PDE4D: variants seen among roughly 807,000 people sequenced by gnomAD.
The protein encoded by PDE4D is 3',5'-cyclic-AMP phosphodiesterase 4D.
PDE4D carries 24 observed loss-of-function variants against 87.4 expected under a neutral mutation model. That is an observed-to-expected ratio of 0.27 (90% CI 0.20 to 0.39). PDE4D has a LOEUF of 0.39. Among genes scored for constraint, PDE4D ranks in the 10% least tolerant of loss-of-function variants. The pLI, the probability that PDE4D is intolerant of heterozygous loss-of-function variation, is 1.00. For missense variants in PDE4D, 714 were observed against 1,041.0 expected, an observed-to-expected ratio of 0.69 and a Z score of 4.32; for synonymous variants, 384 against 383.2, an observed-to-expected ratio of 1.00 and a Z score of -0.02.
intron 1 of PDE4D, among the ~76,000 whole-genome samples, chr5:59,634,161 G>A (rs1831949623): frequency 6.6e-6 from 1 of 152,148 alleles, no homozygotes; most frequent in Non-Finnish European, 1.5e-5. Context: ...ATTGGTAAAG[G>A]GTTCAATGCA....
chr5:59,779,001 TA>T (rs1161936919), intron 1 of PDE4D, among the ~76,000 whole-genome samples: 1 of 151,938 alleles, frequency 6.6e-6, no homozygotes, highest in Non-Finnish European at 1.5e-5. Flanking sequence ...CCGTTTCTAT[TA>T]AAATACAAAA....
intron 3 of PDE4D, chr5:59,986,380 C>A (rs1762463309): frequency 6.6e-6 from 1 of 152,126 alleles, no homozygotes; most frequent in South Asian, 2.1e-4. Flanking sequence ...ACACAATATC[C>A]AACTACATAG....
At chr5:59,872,124 C>T (rs1435324976) in intron 1 of PDE4D, among the ~76,000 whole-genome samples, 4 of 151,962 alleles carry the variant, frequency 2.6e-5, no homozygotes, top group Admixed American at 6.6e-5. Context: ...AACTTGGCGA[C>T]GATGGGAGAA....
At chr5:60,303,015 G>A (rs1373568315) in intron 1 of PDE4D, among the ~76,000 whole-genome samples, 1 of 151,924 alleles carries the variant, frequency 6.6e-6, no homozygotes, top group African/African-American at 2.4e-5. Flanking sequence ...TTTTAGTAGA[G>A]ACAGGGTTTA....
intron 1 of PDE4D, among the ~76,000 whole-genome samples, chr5:60,371,587 A>G (rs1761035824): frequency 6.6e-6 from 1 of 152,192 alleles, no homozygotes; most frequent in Admixed American, 6.5e-5. Context: ...AAGGCAGTGG[A>G]TTTTCACAAA....
chr5:59,751,482 G>A (rs551580642), intron 1 of PDE4D, among the ~76,000 whole-genome samples: 2 of 152,092 alleles, frequency 1.3e-5, no homozygotes, highest in African/African-American at 4.8e-5. Flanking sequence ...CTTAGCATGG[G>A]GTAAGAACTC....
At chr5:59,079,714 C>T (rs993145450) in intron 5 of PDE4D, among the ~76,000 whole-genome samples, 6 of 135,596 alleles carry the variant, frequency 4.4e-5, no homozygotes, top group Non-Finnish European at 8.5e-5. Flanking sequence ...ATGGTGTGTG[C>T]CTATTGTCCT....
chr5:59,482,353 A>G (rs1475655990), intron 1 of PDE4D, among the ~76,000 whole-genome samples: 1 of 152,166 alleles, frequency 6.6e-6, no homozygotes, highest in Non-Finnish European at 1.5e-5. Flanking sequence ...TTTTAAAAGA[A>G]TGTAAGGGCA....
chr5:59,179,192 T>C (rs544504702), intron 5 of PDE4D, among the ~76,000 whole-genome samples: 2 of 152,152 alleles, frequency 1.3e-5, no homozygotes, highest in Non-Finnish European at 2.9e-5. Flanking sequence ...CTGCAACCTC[T>C]GCCTCCTGGG....
chr5:59,878,887 G>GTTTTTTTTT (rs70975345), intron 1 of PDE4D, among the ~76,000 whole-genome samples: 1 of 71,730 alleles, frequency 1.4e-5, no homozygotes, highest in African/African-American at 5.0e-5. Flanking sequence ...ACCGAAGTAA[G>GTTTTTTTTT]TTTTTTTTTT....
At chr5:59,180,385 C>A in intron 5 of PDE4D, 1 of 705,668 alleles carries the variant, frequency 1.4e-6, no homozygotes, top group Non-Finnish European at 2.6e-6. Context: ...AAATAATGTA[C>A]ATCAGTAAAA....
At chr5:60,519,397 T>C (rs761308739) in intron 1 of PDE4D, among the ~76,000 whole-genome samples, 4 of 152,190 alleles carry the variant, frequency 2.6e-5, no homozygotes, top group Non-Finnish European at 5.9e-5. Context: ...ATGCAGTCTC[T>C]CTCCTTCCTA....
At chr5:59,411,812 T>TA (rs1322722912) in intron 1 of PDE4D, among the ~76,000 whole-genome samples, 1 of 152,236 alleles carries the variant, frequency 6.6e-6, no homozygotes, top group African/African-American at 2.4e-5. Flanking sequence ...AGATCACATT[T>TA]AAAACATTTT....
intron 5 of PDE4D, among the ~76,000 whole-genome samples, chr5:59,140,093 T>C (rs887822164): frequency 5.3e-5 from 8 of 152,224 alleles, no homozygotes; most frequent in African/African-American, 1.9e-4. Flanking sequence ...GGTAAAATAG[T>C]ATCACATTTC....
intron 1 of PDE4D, among the ~76,000 whole-genome samples, chr5:59,557,178 G>A (rs977403884): frequency 6.6e-6 from 1 of 152,054 alleles, no homozygotes; most frequent in African/African-American, 2.4e-5. Flanking sequence ...AAGGATTTTT[G>A]CTAAATCTAG....
intron 3 of PDE4D, among the ~76,000 whole-genome samples, chr5:59,951,207 G>A (rs1232780265): frequency 6.6e-6 from 1 of 152,032 alleles, no homozygotes; most frequent in African/African-American, 2.4e-5. Context: ...AAAGAGTAAA[G>A]ATTATTTTTC....
intron 1 of PDE4D, among the ~76,000 whole-genome samples, chr5:59,560,379 A>G (rs1361468014): frequency 1.3e-5 from 2 of 152,290 alleles, no homozygotes; most frequent in Admixed American, 6.5e-5. Flanking sequence ...AATCAGGTAG[A>G]TGAAAGCACA....
intron 3 of PDE4D, among the ~76,000 whole-genome samples, chr5:59,954,705 G>C (rs367880257): frequency 6.6e-6 from 1 of 152,128 alleles, no homozygotes; most frequent in Non-Finnish European, 1.5e-5. Flanking sequence ...TCAGGTAAGA[G>C]AGCACTTTCA....
chr5:59,761,843 C>T (rs1461229716), intron 1 of PDE4D, among the ~76,000 whole-genome samples: 1 of 151,990 alleles, frequency 6.6e-6, no homozygotes, highest in Non-Finnish European at 1.5e-5. Flanking sequence ...CATAAACCAG[C>T]AACATAGTTA....
Sources: allele counts gnomAD v4.1 joint callset (sites outside exome capture counted in the v4.1 genomes callset), GRCh38; gene constraint gnomAD v4.1.1; transcripts MANE v1.5; gene names NCBI Gene and HGNC (gene_info 2026-07-23, HGNC 2026-07-21).